The following CFAP92 variants were observed in gnomAD, a reference collection of about 807,000 sequenced individuals.
CFAP92 encodes the protein uncharacterized protein CFAP92.
CFAP92 carries 86 observed loss-of-function variants against 106.3 expected under a neutral mutation model. The ratio of observed to expected loss-of-function variants is 0.81; its 90% CI spans 0.68 to 0.97. CFAP92 has a LOEUF of 0.97. CFAP92 is among the 50% of genes least tolerant of loss of function. The pLI, the probability that CFAP92 is intolerant of heterozygous loss-of-function variation, is 0.00. For missense variants in CFAP92, 1,204 were observed against 1,283.8 expected, an observed-to-expected ratio of 0.94 and a Z score of 0.95; for synonymous variants, 477 against 506.4, an observed-to-expected ratio of 0.94 and a Z score of 0.78.
At chr3:128,957,002 T>G (rs1245992614) in intron 9 of CFAP92, among the ~76,000 whole-genome samples, 5 of 65,932 alleles carry the variant, frequency 7.6e-5, no homozygotes, top group African/African-American at 1.3e-4. Context: ...AAAAAAGAAA[T>G]CAACCCCATT....
chr3:128,998,124 C>G (rs1944549876), upstream of CFAP92, among the ~76,000 whole-genome samples: 1 of 152,174 alleles, frequency 6.6e-6, no homozygotes, highest in Non-Finnish European at 1.5e-5. Context: ...TGTATCTTCA[C>G]CCACTTTTTG....
chr3:129,001,008 G>A (rs964273447), intron 1 of CFAP92, among the ~76,000 whole-genome samples: 1 of 152,250 alleles, frequency 6.6e-6, no homozygotes, highest in Non-Finnish European at 1.5e-5. Context: ...CGGAAACCCA[G>A]TAGCTGAATT....
At chr3:128,963,283 C>T (rs940158606) in intron 9 of CFAP92, among the ~76,000 whole-genome samples, 60 of 152,146 alleles carry the variant, frequency 3.9e-4, no homozygotes, top group Non-Finnish European at 7.2e-4. Context: ...AGGACCACAC[C>T]GTGTAGCCTT....
chr3:128,984,046 C>G (rs895843100), intron 4 of CFAP92, among the ~76,000 whole-genome samples: 2 of 152,198 alleles, frequency 1.3e-5, no homozygotes, highest in Non-Finnish European at 2.9e-5. Flanking sequence ...TCAAGAACAA[C>G]AGGCGGGGGA....
At chr3:128,982,541 C>T (rs1576619965) in intron 4 of CFAP92, among the ~76,000 whole-genome samples, 1 of 152,206 alleles carries the variant, frequency 6.6e-6, no homozygotes, top group East Asian at 1.9e-4. Flanking sequence ...GTTTAACTTC[C>T]TTCTAGAACT....
At chr3:128,974,253 G>A (rs1489131154) in intron 7 of CFAP92, among the ~76,000 whole-genome samples, 1 of 152,186 alleles carries the variant, frequency 6.6e-6, no homozygotes, top group Non-Finnish European at 1.5e-5. Context: ...ATGGAGAGAT[G>A]AGGAAATGAT....
At chr3:129,005,965 C>A (rs76149190), upstream of CFAP92, among the ~76,000 whole-genome samples, 7,722 of 152,362 alleles carry the variant, frequency 0.051, 366 homozygotes, top group East Asian at 0.19. Flanking sequence ...TCCTCTATAG[C>A]AGAATGCTAC....
intron 9 of CFAP92, among the ~76,000 whole-genome samples, chr3:128,958,793 A>G (rs938553034): frequency 6.6e-6 from 1 of 151,926 alleles, no homozygotes; most frequent in African/African-American, 2.4e-5. Flanking sequence ...CTCAGCTACT[A>G]GGGAGGCTAA....
chr3:128,997,365 A>G (rs1316244829), upstream of CFAP92, among the ~76,000 whole-genome samples: 1 of 152,208 alleles, frequency 6.6e-6, no homozygotes, highest in African/African-American at 2.4e-5. Flanking sequence ...GTAGAATTCA[A>G]TGATTTTCAG....
intron 2 of CFAP92, among the ~76,000 whole-genome samples, chr3:128,990,497 AAAAC>A (rs1209873672): frequency 3.3e-5 from 5 of 152,222 alleles, no homozygotes; most frequent in Admixed American, 1.3e-4. Context: ...ACTCTGTCTA[AAAAC>A]AAACAAACAA....
intron 10 of CFAP92, among the ~76,000 whole-genome samples, chr3:128,939,872 A>G (rs2933344): frequency 0.3 from 44,942 of 152,118 alleles, 7,396 homozygotes; most frequent in East Asian, 0.61. Context: ...ATCTAATGCC[A>G]CTGCTGATCT....
At chr3:129,008,118 C>A in the CFAP92 span, among the ~76,000 whole-genome samples, 2 of 152,346 alleles carry the variant, frequency 1.3e-5, no homozygotes, top group East Asian at 3.8e-4. Flanking sequence ...TGATTCTAGA[C>A]CAGTTTTTAA....
chr3:128,968,765 G>A (rs10512711), intron 8 of CFAP92: 11,008 of 152,404 alleles, frequency 0.072, 1,032 homozygotes, highest in African/African-American at 0.22. Flanking sequence ...GTTCTTACAT[G>A]TGAACCCCTG....
upstream of CFAP92, chr3:129,003,765 C>T (rs1944918434): frequency 2.2e-6 from 3 of 1,386,242 alleles, no homozygotes; most frequent in Non-Finnish European, 2.8e-6. Context: ...GGGCACTTAC[C>T]CCCTGCCCCT....
chr3:128,926,720 A>G (rs1214078957), intron 12 of CFAP92, among the ~76,000 whole-genome samples: 2 of 152,160 alleles, frequency 1.3e-5, no homozygotes, highest in African/African-American at 4.8e-5. Flanking sequence ...GCCTGGCTCT[A>G]TTTGGAGTAG....
upstream of CFAP92, chr3:129,003,405 G>T: frequency 5.9e-6 from 3 of 507,620 alleles, no homozygotes; most frequent in Non-Finnish European, 7.6e-6. Flanking sequence ...GGGAGGGCTG[G>T]AAATGCCACT....
chr3:128,973,548 C>T (rs1215085781), intron 7 of CFAP92, among the ~76,000 whole-genome samples: 4 of 151,630 alleles, frequency 2.6e-5, no homozygotes, highest in African/African-American at 7.3e-5. Context: ...CCCAGCTACT[C>T]GGGAGGCTGA....
Position 128,909,891 on chromosome 3 carries a change from A to C in CFAP92, c.*408T>G. ...GCCGTTCTCCCACAACCTGAAGAGA[A>C]AGGTGTTATTGACTCCACTTTCTCA... On this transcript the variant is annotated 3_prime_UTR_variant, in exon 16 of 16. Transcript: ENST00000645291. The C allele has an allele frequency of 3.9e-6, 5 of 1,285,828 alleles. No individual in the cohort carries two copies. Among genetic ancestry groups the C allele is most frequent in the Admixed American group, 2.0e-5 (1 of 50,344 alleles). 79.7% of individuals were successfully genotyped at this position (1,285,828 alleles called of 1,614,324 possible). A position where few individuals can be genotyped will look rare whatever the true frequency, so the allele number is the denominator to read the frequency against.
intron 12 of CFAP92, among the ~76,000 whole-genome samples, chr3:128,922,717 G>C (rs1482718054): frequency 6.6e-6 from 1 of 152,206 alleles, no homozygotes; most frequent in Non-Finnish European, 1.5e-5. Flanking sequence ...ATTTTACCAT[G>C]TCACGGGCCA....
Sources: allele counts gnomAD v4.1 joint callset (sites outside exome capture counted in the v4.1 genomes callset), GRCh38; gene constraint gnomAD v4.1.1; transcripts MANE v1.5; gene names NCBI Gene and HGNC (gene_info 2026-07-23, HGNC 2026-07-21).